Variants in PTGER4 observed in about 807,000 individuals in gnomAD.
PTGER4 encodes prostaglandin E receptor 4.
In PTGER4, 11 loss-of-function variants were observed where a neutral mutation model predicts 33.2. The ratio of observed to expected loss-of-function variants is 0.33; its 90% CI spans 0.21 to 0.55. The LOEUF is 0.55. Ranked by LOEUF, PTGER4 falls within the 20% of genes least tolerant of loss-of-function variation. The pLI is 0.92. For missense variants in PTGER4, 481 were observed against 650.2 expected (o/e 0.74, Z 2.83); for synonymous variants, 275 against 281.5 (o/e 0.98, Z 0.23).
Position 40,681,596 on chromosome 5 carries a change from C to T in PTGER4, c.603C>T (p.Leu201=). The change falls in exon 2 of 3, where the codon CTC becomes CTT. Residue 201 remains leucine (L), a synonymous_variant. Coordinates refer to ENST00000302472, the MANE Select transcript of PTGER4 (RefSeq NM_000958.3). The surrounding 1 kb of genome is among the most constrained non-coding windows in gnomAD (Gnocchi z 9.8). ...CCTTCCTCATTCTCGCCACCGTCCT[C>T]TGCAACGTGCTTGTGTGCGGCGCGC... is the stretch of plus-strand genomic sequence containing the variant. The part of the protein sequence containing the change: ...FSSFLILATV[L]CNVLVCGALL... 6.2e-7 allele frequency: 1 copy of T among 1,608,506 alleles called. No individual in the cohort carries two copies.
the PTGER4 span, among the ~76,000 whole-genome samples, chr5:40,725,197 AG>A: frequency 6.9e-6 from 1 of 144,744 alleles, no homozygotes; most frequent in Admixed American, 7.1e-5. Context: ...CATGCTACCC[AG>A]GTTGGTCCAA....
the PTGER4 span, among the ~76,000 whole-genome samples, chr5:40,717,795 G>A: frequency 5.8e-4 from 88 of 152,340 alleles, no homozygotes; most frequent in African/African-American, 2.0e-3. Flanking sequence ...CAGGCACCAT[G>A]GCTCACGCCT....
chr5:40,681,874 G>T lies in PTGER4; in HGVS notation c.867+14G>T. The T allele has an allele frequency of 6.7e-7, 1 of 1,492,330 alleles. No individual in the cohort carries two copies. Among genetic ancestry groups the T allele is most frequent in the Non-Finnish European group, 8.9e-7 (1 of 1,125,884 alleles). The allele number at this position is 1,492,330 out of a possible 1,614,324, so 92.4% of individuals were successfully genotyped here. Reference sequence around the variant, plus strand: ...ATCCCGCTCGTGGTGAGTGACCGGGGCTGGGGCCCTACTCGGCCTTTTTCT... The same window carrying T: ...ATCCCGCTCGTGGTGAGTGACCGGGTCTGGGGCCCTACTCGGCCTTTTTCT... On this transcript the variant is annotated intron_variant, in intron 2 of 2. Transcript: ENST00000302472. The surrounding 1 kb of genome is among the most constrained non-coding windows in gnomAD (Gnocchi z 9.8).
intron 2 of PTGER4, among the ~76,000 whole-genome samples, chr5:40,687,583 G>A (rs889655266): frequency 6.6e-6 from 1 of 152,126 alleles, no homozygotes; most frequent in African/African-American, 2.4e-5. Flanking sequence ...GTGAAGCAGA[G>A]GTTGCTCTAT....
In PTGER4 at chr5:40,680,536, C is replaced by T. The variant is rs1238056147; in HGVS notation, c.-44+58C>T. 1 of 157,692 alleles carries T rather than the reference C, an allele frequency of 6.3e-6. No homozygotes were observed. The highest frequency in any genetic ancestry group is 2.4e-5 in the African/African-American group (1 of 41,520). The allele number at this position is 157,692 out of a possible 1,614,324, so 9.8% of individuals were successfully genotyped here. On this transcript the variant is annotated intron_variant, in intron 1 of 2. Coordinates refer to ENST00000302472, the MANE Select transcript of PTGER4 (RefSeq NM_000958.3). This position sits in a 1 kb window ranked among gnomAD's most constrained non-coding sequence, Gnocchi z 5.5. Reference sequence around the variant, plus strand: ...CGGGTAGAGAACGCAGGGATGCGGCCCTCGCCGAAGAGAGCCAAGAAGGGA... The same window carrying T: ...CGGGTAGAGAACGCAGGGATGCGGCTCTCGCCGAAGAGAGCCAAGAAGGGA...
At chr5:40,728,725 G>T in the PTGER4 span, among the ~76,000 whole-genome samples, 6 of 152,220 alleles carry the variant, frequency 3.9e-5, no homozygotes, top group African/African-American at 1.4e-4. Flanking sequence ...TCAAAACCAA[G>T]TGGTCATATC....
the PTGER4 span, among the ~76,000 whole-genome samples, chr5:40,706,649 G>A: frequency 1.3e-5 from 2 of 151,608 alleles, no homozygotes; most frequent in Non-Finnish European, 2.9e-5. Context: ...TTGGGAGTAA[G>A]GACAGGTTTC....
Position 40,681,604 on chromosome 5 carries a change from T to C in PTGER4, c.611T>C (p.Val204Ala). The C allele has an allele frequency of 6.2e-7, 1 of 1,607,704 alleles. No individual in the cohort carries two copies. The highest frequency in any genetic ancestry group is 8.5e-7 in the Non-Finnish European group (1 of 1,179,936). ...FLILATVLCNVLVCGALLRMH... is the reference protein window; with the variant it reads ...FLILATVLCNALVCGALLRMH... Reference sequence around the variant, plus strand: ...ATTCTCGCCACCGTCCTCTGCAACGTGCTTGTGTGCGGCGCGCTGCTCCGC... The same window carrying C: ...ATTCTCGCCACCGTCCTCTGCAACGCGCTTGTGTGCGGCGCGCTGCTCCGC... The change falls in exon 2 of 3, where the codon GTG becomes GCG. Residue 204 changes from valine to alanine, a missense_variant. This residue lies in a region of PTGER4 where 174 missense variants were observed against 210.5 expected (regional missense o/e 0.83). Transcript: ENST00000302472. This position sits in a 1 kb window ranked among gnomAD's most constrained non-coding sequence, Gnocchi z 9.8.
chr5:40,698,501 T>C (rs1263497945), downstream of PTGER4, among the ~76,000 whole-genome samples: 1 of 152,128 alleles, frequency 6.6e-6, no homozygotes, highest in Non-Finnish European at 1.5e-5. Flanking sequence ...CCAAACATGT[T>C]TGCAAAATAT....
At chr5:40,722,595 G>A in the PTGER4 span, among the ~76,000 whole-genome samples, 3 of 151,398 alleles carry the variant, frequency 2.0e-5, no homozygotes, top group South Asian at 2.1e-4. Flanking sequence ...CTGACCGGCC[G>A]CCCCGTCTGA....
chr5:40,688,802 A>G (rs949506250), intron 2 of PTGER4, among the ~76,000 whole-genome samples: 1 of 152,144 alleles, frequency 6.6e-6, no homozygotes, highest in Non-Finnish European at 1.5e-5. Flanking sequence ...TGATACTATC[A>G]TTTATCCCAG....
intron 2 of PTGER4, among the ~76,000 whole-genome samples, chr5:40,684,116 A>AC (rs1438448504): frequency 2.3e-3 from 90 of 38,300 alleles, no homozygotes; most frequent in South Asian, 4.0e-3. Flanking sequence ...TCATTATGCC[A>AC]CCCACCCACC....
the PTGER4 span, among the ~76,000 whole-genome samples, chr5:40,703,788 A>G: frequency 6.6e-6 from 1 of 151,592 alleles, no homozygotes; most frequent in Non-Finnish European, 1.5e-5. Flanking sequence ...CTGTAGTCTC[A>G]GCTACTCAGG....
At chr5:40,733,586 G>A in the PTGER4 span, among the ~76,000 whole-genome samples, 7 of 152,166 alleles carry the variant, frequency 4.6e-5, no homozygotes, top group Non-Finnish European at 1.0e-4. Flanking sequence ...ACCAGAGGAA[G>A]TTATCACCCC....
At chr5:40,682,404 T>G (rs2111787119) in intron 2 of PTGER4, among the ~76,000 whole-genome samples, 1 of 152,244 alleles carries the variant, frequency 6.6e-6, no homozygotes, top group South Asian at 2.1e-4. Flanking sequence ...TATCAAGAGG[T>G]GTTTTAGTCT....
rs1021114714 is a variant in PTGER4, at chr5:40,681,941, C to T, written c.867+81C>T. 5 of 1,436,048 alleles carry T rather than the reference C, an allele frequency of 3.5e-6. No individual in the cohort carries two copies. In the African/African-American group the frequency reaches 7.5e-5, roughly 22 times the overall value. 89.0% of individuals were successfully genotyped at this position (1,436,048 alleles called of 1,614,324 possible). ...GTCCATTCCCCGCTCCCTGCTTTCC[C>T]TCTGAGTCCTTGGCAGTGAACGTGT... is the stretch of plus-strand genomic sequence containing the variant. On this transcript the variant is annotated intron_variant, in intron 2 of 2. Transcript: ENST00000302472. This position sits in a 1 kb window ranked among gnomAD's most constrained non-coding sequence, Gnocchi z 9.8.
At chr5:40,690,038 T>A (rs1741430915) in intron 2 of PTGER4, among the ~76,000 whole-genome samples, 1 of 152,140 alleles carries the variant, frequency 6.6e-6, no homozygotes, top group Admixed American at 6.5e-5. Context: ...AAAATCATAA[T>A]ACTTTAAGAG....
chr5:40,712,361 T>C, the PTGER4 span, among the ~76,000 whole-genome samples: 2 of 152,162 alleles, frequency 1.3e-5, no homozygotes, highest in African/African-American at 4.8e-5. Flanking sequence ...GCACTAGTCT[T>C]TGTTAAAGTT....
the PTGER4 span, among the ~76,000 whole-genome samples, chr5:40,745,700 A>T: frequency 6.6e-6 from 1 of 150,834 alleles, no homozygotes; most frequent in Non-Finnish European, 1.5e-5. Flanking sequence ...GAATTTTTTA[A>T]AACTGGAACT....
Sources: allele counts gnomAD v4.1 joint callset (sites outside exome capture counted in the v4.1 genomes callset), GRCh38; gene constraint gnomAD v4.1.1; regional missense constraint gnomAD v4.1.1; non-coding constraint Gnocchi (gnomAD v3.1); transcripts MANE v1.5; gene names NCBI Gene and HGNC (gene_info 2026-07-23, HGNC 2026-07-21).